NEK6: variants seen among roughly 807,000 people sequenced by gnomAD.
NEK6 encodes serine/threonine-protein kinase Nek6.
Under a neutral mutation model 43.5 loss-of-function variants are expected in NEK6, and 27 were observed. That is an observed-to-expected ratio of 0.62 (90% confidence interval 0.46 to 0.86). The LOEUF (loss-of-function observed/expected upper bound fraction) is 0.86. Among genes scored for constraint, NEK6 ranks in the 40% least tolerant of loss-of-function variants. NEK6 has a pLI of 0.00. For synonymous variants in NEK6, 167 were observed against 164.1 expected (o/e 1.02, Z -0.14); for missense variants, 318 against 414.4 (o/e 0.77, Z 2.02).
chr9:124,336,229 C>A (rs543919376), intron 7 of NEK6, among the ~76,000 whole-genome samples: 3 of 151,844 alleles, frequency 2.0e-5, no homozygotes, highest in Non-Finnish European at 2.9e-5. Flanking sequence ...CAGAGCGAGA[C>A]CCTGTCTTAA....
chr9:124,291,769 C>T (rs905134096), intron 1 of NEK6: 12 of 968,602 alleles, frequency 1.2e-5, no homozygotes, highest in Non-Finnish European at 1.5e-5. Context: ...CTGGTCTAAT[C>T]GGGTGGTGCT....
At chr9:124,297,922 A>C (rs1187888539) in intron 1 of NEK6, among the ~76,000 whole-genome samples, 1 of 152,204 alleles carries the variant, frequency 6.6e-6, no homozygotes, top group East Asian at 1.9e-4. Context: ...TTTCCAGAGC[A>C]CAGGGCTTGG....
chr9:124,302,620 T>C (rs1833043604), intron 2 of NEK6, among the ~76,000 whole-genome samples: 1 of 152,224 alleles, frequency 6.6e-6, no homozygotes, highest in African/African-American at 2.4e-5. Flanking sequence ...AGGTGACTTG[T>C]AGGTTTCTGA....
Position 124,326,291 on chromosome 9 carries a change from C to T in NEK6, c.406-39C>T, listed in dbSNP as rs755258337. 6.6e-7 allele frequency: 1 copy of T among 1,512,162 alleles called. No homozygotes were observed. The highest frequency in any genetic ancestry group is 9.1e-7 in the Non-Finnish European group (1 of 1,096,676). The allele number at this position is 1,512,162 out of a possible 1,614,324, so 93.7% of individuals were successfully genotyped here. A position where few individuals can be genotyped will look rare whatever the true frequency, so the allele number is the denominator to read the frequency against. ...GTGGCCACCCACCTCCAAGCCCGCTCACCCGGGCCTATCCCTCTGCTTGTC... is the reference window on the plus strand; with the variant it reads ...GTGGCCACCCACCTCCAAGCCCGCTTACCCGGGCCTATCCCTCTGCTTGTC... On this transcript the variant is annotated intron_variant, in intron 5 of 9. Transcript: ENST00000320246. The surrounding 1 kb of genome is among the most constrained non-coding windows in gnomAD (Gnocchi z 4.5).
chr9:124,313,825 G>C (rs925116751), intron 3 of NEK6, 98 bp from the exon 4 acceptor site: 10 of 1,205,086 alleles, frequency 8.3e-6, no homozygotes, highest in Admixed American at 1.8e-5. Context: ...TGGTGAGGAG[G>C]TGGGAGAGCC....
intron 1 of NEK6, among the ~76,000 whole-genome samples, chr9:124,295,307 T>C (rs1832632507): frequency 6.6e-6 from 1 of 152,182 alleles, no homozygotes; most frequent in Non-Finnish European, 1.5e-5. Context: ...CCAGACTCCA[T>C]CTGTGGCTTG....
At chr9:124,309,835 G>A (rs960279702) in intron 2 of NEK6, among the ~76,000 whole-genome samples, 3 of 152,214 alleles carry the variant, frequency 2.0e-5, no homozygotes, top group East Asian at 1.9e-4. Flanking sequence ...CCCACTGTGC[G>A]CCAGGTCGTG....
At chr9:124,268,052 G>C (rs1831293039) in intron 1 of NEK6, among the ~76,000 whole-genome samples, 1 of 152,202 alleles carries the variant, frequency 6.6e-6, no homozygotes, top group African/African-American at 2.4e-5. Context: ...ATGCTCAAAT[G>C]GCTTATGGGG....
rs548048368 is a variant in NEK6, at chr9:124,310,504, C to T, written c.91-2005C>T. Among the ~76,000 whole-genome samples, 4 of 152,340 alleles carry T rather than the reference C, an allele frequency of 2.6e-5. No individual in the cohort carries two copies. In the East Asian group the frequency reaches 7.7e-4, roughly 29 times the overall value. ...CGAGGCTTCAAAGTCAAGGTTGGCC[C>T]AGCCCTCACCTTGCTGTGTGCTGTG... On this transcript the variant is annotated intron_variant, in intron 2 of 9. Coordinates refer to ENST00000320246, the MANE Select transcript of NEK6 (RefSeq NM_014397.6).
chr9:124,291,642 TAAAC>T (rs10534318), intron 1 of NEK6, among the ~76,000 whole-genome samples: 21,527 of 151,970 alleles, frequency 0.14, 1,587 homozygotes, highest in Non-Finnish European at 0.17. Flanking sequence ...AATAAATAAA[TAAAC>T]AAACAGCAAG....
rs1834232007 is a variant in NEK6, at chr9:124,324,454, C to T, written c.406-1876C>T. 6.6e-6 allele frequency among the ~76,000 whole-genome samples: 1 copy of T among 152,218 alleles called. No homozygotes were observed. ...CGAGGAAGAGTGAAGCTAGGAGCTG[C>T]CGTAGCCCCAGAACCCACCAGAGAC... On this transcript the variant is annotated intron_variant, in intron 5 of 9. Coordinates refer to ENST00000320246, the MANE Select transcript of NEK6 (RefSeq NM_014397.6). The surrounding 1 kb of genome is among the most constrained non-coding windows in gnomAD (Gnocchi z 5.3).
At chr9:124,260,373 G>T (rs1483369830) in intron 1 of NEK6, among the ~76,000 whole-genome samples, 1 of 152,034 alleles carries the variant, frequency 6.6e-6, no homozygotes, top group East Asian at 1.9e-4. Flanking sequence ...CACGATAGAT[G>T]GTCCCCATTT....
At chr9:124,332,831 G>A (rs1829078979) in intron 7 of NEK6, among the ~76,000 whole-genome samples, 2 of 152,294 alleles carry the variant, frequency 1.3e-5, no homozygotes, top group Admixed American at 6.5e-5. Context: ...GTTTGAAATC[G>A]GGAGTTCTAG....
chr9:124,290,081 G>A (rs1489736808), intron 1 of NEK6, among the ~76,000 whole-genome samples: 8 of 152,250 alleles, frequency 5.3e-5, no homozygotes, highest in South Asian at 2.1e-4. Context: ...CTGTGATTAC[G>A]CGCCAGCCCC....
chr9:124,341,579 T>C (rs1235564091), intron 8 of NEK6, among the ~76,000 whole-genome samples: 1 of 152,046 alleles, frequency 6.6e-6, no homozygotes, highest in Non-Finnish European at 1.5e-5. Context: ...GCTCTTTGAA[T>C]GAGGACCTAG....
At chr9:124,347,022 C>T (rs1455224781) in intron 8 of NEK6, among the ~76,000 whole-genome samples, 2 of 152,228 alleles carry the variant, frequency 1.3e-5, no homozygotes, top group South Asian at 2.1e-4. Context: ...GAGCTGGGGT[C>T]GGGACAGAGC....
intron 1 of NEK6, among the ~76,000 whole-genome samples, chr9:124,262,142 T>C (rs1043313734): frequency 9.9e-5 from 15 of 152,172 alleles, no homozygotes; most frequent in African/African-American, 3.4e-4. Context: ...AGGGCCTCAG[T>C]GGCTTTTTGG....
At chr9:124,313,438 G>C (rs1286170446) in intron 3 of NEK6, among the ~76,000 whole-genome samples, 1 of 152,038 alleles carries the variant, frequency 6.6e-6, no homozygotes, top group African/African-American at 2.4e-5. Flanking sequence ...GGCGTGATCA[G>C]CTCACTGCAA....
intron 2 of NEK6, among the ~76,000 whole-genome samples, chr9:124,308,470 G>A (rs1833367758): frequency 6.6e-6 from 1 of 152,082 alleles, no homozygotes. Context: ...TGGCCAACAT[G>A]GTGAAACCCC....
Sources: allele counts gnomAD v4.1 joint callset (sites outside exome capture counted in the v4.1 genomes callset), GRCh38; gene constraint gnomAD v4.1.1; non-coding constraint Gnocchi (gnomAD v3.1); transcripts MANE v1.5; gene names NCBI Gene and HGNC (gene_info 2026-07-23, HGNC 2026-07-21).